LNX1: variants seen among roughly 807,000 people sequenced by gnomAD.
LNX1 encodes the protein E3 ubiquitin-protein ligase LNX.
Under a neutral mutation model 68.4 loss-of-function variants are expected in LNX1, and 54 were observed. The observed-to-expected ratio is 0.79, with a 90% CI of 0.63 to 0.99. The LOEUF (loss-of-function observed/expected upper bound fraction) is 0.99. Ranked by LOEUF, LNX1 falls within the 50% of genes least tolerant of loss-of-function variation. LNX1 has a pLI of 0.00. For synonymous variants in LNX1, 336 were observed against 350.0 expected (o/e 0.96, Z 0.45); for missense variants, 906 against 926.4 (o/e 0.98, Z 0.29).
rs777344849 is a variant in LNX1, at chr4:53,477,008, C to A, written c.1664-27G>T. 5 of 1,582,984 alleles carry A rather than the reference C, an allele frequency of 3.2e-6. No homozygotes were observed. In the South Asian group the frequency reaches 4.4e-5, roughly 14 times the overall value. On this transcript the variant is annotated intron_variant, in intron 8 of 10. Coordinates refer to ENST00000263925, the MANE Select transcript of LNX1 (RefSeq NM_001126328.3). ...TGATGGCCAGAGAAGCAGAAGCTAT[C>A]TTTAGTGAGAGCACAAACAGGGACT...
intron 2 of LNX1, among the ~76,000 whole-genome samples, chr4:53,611,691 A>G (rs1487184304): frequency 6.6e-6 from 1 of 152,178 alleles, no homozygotes; most frequent in Non-Finnish European, 1.5e-5. Flanking sequence ...CCTAATCTTC[A>G]AATCAGTGTC....
intron 2 of LNX1, among the ~76,000 whole-genome samples, chr4:53,549,884 C>A (rs1489237657): frequency 6.6e-6 from 1 of 152,104 alleles, no homozygotes; most frequent in Non-Finnish European, 1.5e-5. Context: ...GCCTCTTATC[C>A]GCCTGACATA....
chr4:53,488,426 C>A (rs1024636675), intron 6 of LNX1, among the ~76,000 whole-genome samples: 2 of 152,166 alleles, frequency 1.3e-5, no homozygotes, highest in African/African-American at 2.4e-5. Flanking sequence ...CATTAAATAT[C>A]TTTTCAAGTC....
chr4:53,631,109 G>C (rs926946562), intron 1 of LNX1, among the ~76,000 whole-genome samples: 2 of 152,162 alleles, frequency 1.3e-5, no homozygotes, highest in African/African-American at 4.8e-5. Flanking sequence ...AGGGATAGAG[G>C]AGGAGGAAGT....
In LNX1 at chr4:53,575,984, C is replaced by T. The variant is rs187752883; in HGVS notation, c.-86-1896G>A. 359 of 1,560,434 alleles carry T rather than the reference C, an allele frequency of 2.3e-4. 2 individuals carry two copies. In the East Asian group the frequency reaches 5.9e-3, roughly 25 times the overall value. ...GGTGCCCTACTGGCAGGCATGCACA[C>T]GCTGCTCCAGCAGGCCCTCCATCTT... On this transcript the variant is annotated intron_variant, in intron 1 of 10. Transcript: ENST00000263925.
chr4:53,636,179 C>CTTTTTTTTTTTTTTTTTTTT (rs11440722), intron 1 of LNX1, among the ~76,000 whole-genome samples: 1 of 85,226 alleles, frequency 1.2e-5, no homozygotes, highest in African/African-American at 4.7e-5. Flanking sequence ...TCTATTACTC[C>CTTTTTTTTTTTTTTTTTTTT]TTTTTTTTTT....
chr4:53,573,116 C>A (rs1190344456), intron 2 of LNX1, among the ~76,000 whole-genome samples: 5 of 152,128 alleles, frequency 3.3e-5, no homozygotes, highest in African/African-American at 9.7e-5. Context: ...TCAAAACATA[C>A]ACACATGAGA....
chr4:53,548,494 A>C (rs1016358376), intron 2 of LNX1, among the ~76,000 whole-genome samples: 11 of 152,198 alleles, frequency 7.2e-5, no homozygotes, highest in African/African-American at 1.7e-4. Context: ...TGTGATCAAG[A>C]AGTTGCAAGA....
intron 1 of LNX1, among the ~76,000 whole-genome samples, 193 bp downstream of exon 1, chr4:53,591,195 G>A (rs1732484624): frequency 6.6e-6 from 1 of 152,148 alleles, no homozygotes; most frequent in Admixed American, 6.5e-5. Flanking sequence ...TCTGGCCTGG[G>A]AGAAGTTTAT....
At chr4:53,475,415 G>C (rs974456995) in intron 9 of LNX1, among the ~76,000 whole-genome samples, 5 of 152,156 alleles carry the variant, frequency 3.3e-5, no homozygotes, top group African/African-American at 1.2e-4. Flanking sequence ...AAAATGTACT[G>C]ATTTAGAAAA....
intron 2 of LNX1, among the ~76,000 whole-genome samples, chr4:53,609,231 C>G (rs920351641): frequency 6.6e-6 from 1 of 151,656 alleles, no homozygotes. Flanking sequence ...TGCAATTTAC[C>G]TATGTAACAA....
intron 1 of LNX1, among the ~76,000 whole-genome samples, chr4:53,633,385 T>A (rs1270198662): frequency 6.6e-6 from 1 of 152,228 alleles, no homozygotes; most frequent in African/African-American, 2.4e-5. Context: ...TTTTATATCT[T>A]CCTCATATTA....
upstream of LNX1, chr4:53,593,924 C>T (rs1409831175): frequency 6.6e-6 from 1 of 152,026 alleles, no homozygotes; most frequent in African/African-American, 2.4e-5. Context: ...AGTTTTTAAT[C>T]AAGGCCCACT....
At chr4:53,569,067 C>T (rs373491018) in intron 2 of LNX1, among the ~76,000 whole-genome samples, 7 of 151,136 alleles carry the variant, frequency 4.6e-5, no homozygotes, top group East Asian at 2.0e-4. Flanking sequence ...GAATCAATAT[C>T]GTGAAAATGG....
At chr4:53,585,594 C>T (rs1304901742) in intron 1 of LNX1, among the ~76,000 whole-genome samples, 2 of 152,114 alleles carry the variant, frequency 1.3e-5, no homozygotes, top group African/African-American at 2.4e-5. Flanking sequence ...AATTCAATGA[C>T]AGATGTCCTT....
intron 1 of LNX1, among the ~76,000 whole-genome samples, chr4:53,579,041 C>A (rs1366945156): frequency 2.0e-5 from 3 of 152,130 alleles, no homozygotes; most frequent in Admixed American, 2.0e-4. Flanking sequence ...AAGAAATTAT[C>A]AAAAATCATT....
rs547679203 is a variant in LNX1 at position 53,511,755 on chromosome 4, C to T, written c.381-3528G>A. On this transcript the variant is annotated intron_variant, in intron 2 of 10. Coordinates refer to ENST00000263925, the MANE Select transcript of LNX1 (RefSeq NM_001126328.3). ...GTTCACTGCTAATGAGAGTTGGAGACGAGACACAGGAGGGAACTCAGATGT... is the reference window on the plus strand; with the variant it reads ...GTTCACTGCTAATGAGAGTTGGAGATGAGACACAGGAGGGAACTCAGATGT... 1.2e-3 allele frequency among the ~76,000 whole-genome samples: 177 copies of T among 152,208 alleles called. 1 individual carries two copies. The highest frequency in any genetic ancestry group is 4.0e-3 in the African/African-American group (166 of 41,516).
chr4:53,473,620 A>G lies in LNX1; in HGVS notation c.1892+3133T>C, dbSNP rs191090255. On this transcript the variant is annotated intron_variant, in intron 9 of 10. Transcript: ENST00000263925. Reference sequence around the variant, plus strand: ...AAAATGATGAGAACTCATGGACACAATGAGGGTGACAACAGACACCAGGGC... The same window carrying G: ...AAAATGATGAGAACTCATGGACACAGTGAGGGTGACAACAGACACCAGGGC... Among the ~76,000 whole-genome samples the G allele has an allele frequency of 1.4e-4, 22 of 152,294 alleles. 1 individual carries two copies. Among genetic ancestry groups the G allele is most frequent in the Admixed American group, 7.8e-4 (12 of 15,288 alleles).
At chr4:53,576,044 A>G (rs543777516) in intron 1 of LNX1, 1 of 1,565,246 alleles carries the variant, frequency 6.4e-7, no homozygotes, top group East Asian at 2.3e-5. Context: ...ACCTTCAGGG[A>G]CCAGCTCCAG....
Sources: allele counts gnomAD v4.1 joint callset (sites outside exome capture counted in the v4.1 genomes callset), GRCh38; gene constraint gnomAD v4.1.1; transcripts MANE v1.5; gene names NCBI Gene and HGNC (gene_info 2026-07-23, HGNC 2026-07-21).